The following SLC22A23 variants were observed in gnomAD, a reference collection of about 807,000 sequenced individuals.
The protein encoded by SLC22A23 is ion transporter protein.
Under a neutral mutation model 61.0 loss-of-function variants are expected in SLC22A23, and 26 were observed. The ratio of observed to expected loss-of-function variants is 0.43; its 90% CI spans 0.31 to 0.59. The LOEUF is 0.59. SLC22A23 is among the 20% of genes least tolerant of loss of function. The probability of loss-of-function intolerance (pLI) is 0.11; values close to 1 mark genes in which losing one functional copy is unlikely to be tolerated. For missense variants in SLC22A23, 796 were observed against 934.7 expected (o/e 0.85, Z 1.94); for synonymous variants, 430 against 413.9 (o/e 1.04, Z -0.47).
chr6:3,338,521 C>T (rs1489784872), intron 3 of SLC22A23, among the ~76,000 whole-genome samples: 1 of 152,220 alleles, frequency 6.6e-6, no homozygotes, highest in Non-Finnish European at 1.5e-5. Flanking sequence ...GACAGGGTTT[C>T]ACCATGTTGG....
rs1364734868 is a variant in SLC22A23 at position 3,273,405 on chromosome 6, C to T, written c.1711G>A (p.Gly571Arg). The change falls in exon 10 of 10, where the codon GGG (glycine) becomes AGG (arginine). Residue 571 changes from glycine (G) to arginine (R), a missense_variant. Transcript: ENST00000406686. ...EITPTVIRCG[G>R]LGLVLASAGF... ...GCGCTGGCCAGCACCAGCCCCAGCC[C>T]GCCACACCTGCAGGGGGAGGGAAGC... The T allele has an allele frequency of 3.1e-6, 5 of 1,612,460 alleles. No homozygotes were observed. Among genetic ancestry groups the T allele is most frequent in the Non-Finnish European group, 2.5e-6 (3 of 1,179,814 alleles).
intron 3 of SLC22A23, among the ~76,000 whole-genome samples, chr6:3,403,474 A>C (rs1768575612): frequency 1.3e-5 from 2 of 152,210 alleles, no homozygotes; most frequent in Non-Finnish European, 2.9e-5. Flanking sequence ...GGTTGTTGAC[A>C]TGAGGGCAGG....
At chr6:3,388,430 A>G (rs1307512423) in intron 3 of SLC22A23, among the ~76,000 whole-genome samples, 3 of 152,250 alleles carry the variant, frequency 2.0e-5, no homozygotes, top group Non-Finnish European at 4.4e-5. Context: ...ATGTGGAGAA[A>G]CTGAAACCCT....
At chr6:3,362,014 T>G (rs1300826083) in intron 3 of SLC22A23, among the ~76,000 whole-genome samples, 1 of 152,160 alleles carries the variant, frequency 6.6e-6, no homozygotes, top group African/African-American at 2.4e-5. Flanking sequence ...CAGATCATTC[T>G]ATACACCTTC....
chr6:3,410,185 T>G lies in SLC22A23; in HGVS notation c.913+3A>C. 1 of 1,606,864 alleles carries G rather than the reference T, an allele frequency of 6.2e-7. No homozygotes were observed. Among genetic ancestry groups the G allele is most frequent in the Non-Finnish European group, 8.5e-7 (1 of 1,177,706 alleles). On this transcript the variant is annotated splice_donor_region_variant and intron_variant, in intron 3 of 9. Coordinates refer to ENST00000406686, the MANE Select transcript of SLC22A23 (RefSeq NM_015482.2). The surrounding 1 kb of genome is among the most constrained non-coding windows in gnomAD (Gnocchi z 5.0). ...AAGACTAGTCGTGAAGGCTCCTACTTACGTAAAGCATACAAGGTGAGAATG... is the reference window on the plus strand; with the variant it reads ...AAGACTAGTCGTGAAGGCTCCTACTGACGTAAAGCATACAAGGTGAGAATG...
chr6:3,438,943 G>A (rs950305778), intron 1 of SLC22A23, among the ~76,000 whole-genome samples: 13 of 152,228 alleles, frequency 8.5e-5, no homozygotes, highest in African/African-American at 3.1e-4. Context: ...CCGTACTGTG[G>A]GTTAAAGAGC....
chr6:3,285,324 GA>G (rs1207007725), intron 7 of SLC22A23, among the ~76,000 whole-genome samples: 1 of 152,270 alleles, frequency 6.6e-6, no homozygotes, highest in African/African-American at 2.4e-5. Context: ...AGACAGGAGT[GA>G]GACCCTGCTG....
At chr6:3,306,403 C>T (rs1256177363) in intron 4 of SLC22A23, among the ~76,000 whole-genome samples, 1 of 152,220 alleles carries the variant, frequency 6.6e-6, no homozygotes, top group Non-Finnish European at 1.5e-5. Context: ...TGCTTGAAAC[C>T]ACAGATGTGG....
At chr6:3,423,080 G>T (rs932508178) in intron 1 of SLC22A23, among the ~76,000 whole-genome samples, 4 of 150,808 alleles carry the variant, frequency 2.7e-5, no homozygotes, top group South Asian at 4.2e-4. Context: ...TCTACTGTCC[G>T]CTCCTCTTCT....
intron 5 of SLC22A23, among the ~76,000 whole-genome samples, chr6:3,292,794 T>C (rs1760724862): frequency 6.6e-6 from 1 of 152,144 alleles, no homozygotes; most frequent in Admixed American, 6.5e-5. Context: ...GTCTGTGAAG[T>C]AGGATGAAGC....
At chr6:3,442,936 C>G (rs1332426494) in intron 1 of SLC22A23, among the ~76,000 whole-genome samples, 4 of 152,162 alleles carry the variant, frequency 2.6e-5, no homozygotes, top group Admixed American at 2.6e-4. Flanking sequence ...GCAACTGTCT[C>G]AACTTTGAGA....
At chr6:3,359,759 G>A (rs1447986619) in intron 3 of SLC22A23, among the ~76,000 whole-genome samples, 2 of 152,110 alleles carry the variant, frequency 1.3e-5, no homozygotes, top group Non-Finnish European at 2.9e-5. Context: ...CTATGTTCAC[G>A]GCAGCATATT....
rs1763685290 is a variant in SLC22A23, at chr6:3,333,449, C to T, written c.914-9447G>A. ...CACCCCTCCCGCATCCCTCAGACCA[C>T]ATCACCTGCCCCTCCCCGCCCCATC... On this transcript the variant is annotated intron_variant, in intron 3 of 9. Transcript: ENST00000406686. The surrounding 1 kb of genome is among the most constrained non-coding windows in gnomAD (Gnocchi z 4.1). Among the ~76,000 whole-genome samples, 1 of 152,086 alleles carries T rather than the reference C, an allele frequency of 6.6e-6. No homozygotes were observed. The highest frequency in any genetic ancestry group is 2.1e-4 in the South Asian group (1 of 4,824).
At chr6:3,403,749 G>C (rs138088309) in intron 3 of SLC22A23, among the ~76,000 whole-genome samples, 47 of 152,294 alleles carry the variant, frequency 3.1e-4, no homozygotes, top group African/African-American at 1.1e-3. Context: ...GAATTCAAAA[G>C]CCATAGAATT....
At chr6:3,294,903 G>A (rs1760936404) in intron 5 of SLC22A23, among the ~76,000 whole-genome samples, 1 of 152,240 alleles carries the variant, frequency 6.6e-6, no homozygotes, top group Non-Finnish European at 1.5e-5. Context: ...TCCAAGGTTA[G>A]GATGTACTGA....
At chr6:3,364,447 C>G (rs1765674725) in intron 3 of SLC22A23, among the ~76,000 whole-genome samples, 1 of 152,034 alleles carries the variant, frequency 6.6e-6, no homozygotes, top group South Asian at 2.1e-4. Context: ...TATTTGTTCC[C>G]TCCTTAAAAA....
Position 3,455,925 on chromosome 6 carries a change from A to G in SLC22A23, c.635T>C (p.Val212Ala). 2 of 1,512,880 alleles carry G rather than the reference A, an allele frequency of 1.3e-6. No homozygotes were observed. Among genetic ancestry groups the G allele is most frequent in the Non-Finnish European group, 1.8e-6 (2 of 1,123,786 alleles). The allele number at this position is 1,512,880 out of a possible 1,614,324, so 93.7% of individuals were successfully genotyped here. A position where few individuals can be genotyped will look rare whatever the true frequency, so the allele number is the denominator to read the frequency against. The change falls in exon 1 of 10, where the codon GTC (valine) becomes GCC (alanine). Residue 212 changes from valine (V) to alanine (A), a missense_variant. Coordinates refer to ENST00000406686, the MANE Select transcript of SLC22A23 (RefSeq NM_015482.2). ...AWDYGIRAGL[V>A]QNVVSKWDLV... Reference sequence around the variant, plus strand: ...CCTTACCTTGCTGACCACGTTCTGGACGAGGCCGGCGCGGATGCCGTAGTC... The same window carrying G: ...CCTTACCTTGCTGACCACGTTCTGGGCGAGGCCGGCGCGGATGCCGTAGTC...
At chr6:3,444,836 C>T (rs753559021) in intron 1 of SLC22A23, 108 of 985,524 alleles carry the variant, frequency 1.1e-4, no homozygotes, top group Non-Finnish European at 1.3e-4. Context: ...CGAACATCAT[C>T]GGTTTCTGGG....
rs753039869 is a variant in SLC22A23 at position 3,437,403 on chromosome 6, C to T, written c.654+18503G>A. ...TTTTAAAATGAAATAATAGGCCAGG[C>T]GCGGTGGCTCACGCCTGTAATCCCA... On this transcript the variant is annotated intron_variant, in intron 1 of 9. Transcript: ENST00000406686. Among the ~76,000 whole-genome samples, 9 of 151,952 alleles carry T rather than the reference C, an allele frequency of 5.9e-5. No homozygotes were observed. The South Asian group carries it at 6.2e-4, about 11-fold the overall frequency.
Sources: gnomAD v4.1 joint callset for allele counts (sites outside exome capture counted in the v4.1 genomes callset) on GRCh38, gnomAD v4.1.1 for gene constraint, Gnocchi (gnomAD v3.1) non-coding constraint, MANE v1.5 for transcripts, NCBI Gene and HGNC (gene_info 2026-07-23, HGNC 2026-07-21) for gene names.